Variants in MTHFD1L observed in about 807,000 individuals in gnomAD.
The protein encoded by MTHFD1L is methylenetetrahydrofolate dehydrogenase (NADP+ dependent) 1 like, also known as monofunctional C1-tetrahydrofolate synthase, mitochondrial.
Under a neutral mutation model 119.5 loss-of-function variants are expected in MTHFD1L, and 81 were observed. That is an observed-to-expected ratio of 0.68 (90% CI 0.57 to 0.82). The LOEUF (loss-of-function observed/expected upper bound fraction) is 0.82, where lower values mean the gene tolerates loss of function less well. Ranked by LOEUF, MTHFD1L falls within the 40% of genes least tolerant of loss-of-function variation. The pLI, the probability that MTHFD1L is intolerant of heterozygous loss-of-function variation, is 0.00. For synonymous variants in MTHFD1L, 430 were observed against 475.2 expected (o/e 0.90, Z 1.24); for missense variants, 1,125 against 1,253.4 (o/e 0.90, Z 1.55).
chr6:151,081,990 T>C (rs1292752654), intron 26 of MTHFD1L, among the ~76,000 whole-genome samples: 2 of 152,184 alleles, frequency 1.3e-5, no homozygotes, highest in African/African-American at 4.8e-5. Context: ...TCCTTGCCAG[T>C]AGGACCTTGA....
intron 27 of MTHFD1L, among the ~76,000 whole-genome samples, chr6:151,094,944 TG>T (rs1794774450): frequency 6.6e-6 from 1 of 152,230 alleles, no homozygotes. Flanking sequence ...CAAGTTTTTT[TG>T]TTGAGGCTTT....
intron 1 of MTHFD1L, chr6:150,866,271 G>A (rs1218603748): frequency 8.2e-6 from 12 of 1,454,844 alleles, no homozygotes; most frequent in Non-Finnish European, 1.1e-5. Flanking sequence ...CGGGCCCGCA[G>A]CGCAGGTGGG....
chr6:150,944,026 G>T (rs1257984262), intron 13 of MTHFD1L, among the ~76,000 whole-genome samples: 1 of 152,156 alleles, frequency 6.6e-6, no homozygotes. Context: ...CTTAACCTGA[G>T]GATGGAAGAA....
intron 16 of MTHFD1L, among the ~76,000 whole-genome samples, chr6:150,955,639 A>G (rs527552854): frequency 6.6e-6 from 1 of 151,830 alleles, no homozygotes; most frequent in African/African-American, 2.4e-5. Context: ...AGCTGGGACT[A>G]CAGGCACACA....
At chr6:150,923,658 C>T (rs1233012481) in intron 10 of MTHFD1L, among the ~76,000 whole-genome samples, 4 of 150,258 alleles carry the variant, frequency 2.7e-5, no homozygotes, top group South Asian at 2.1e-4. Flanking sequence ...CATGAGCCAC[C>T]GCACCGGGGC....
chr6:151,099,763 C>T (rs1004562040), intron 27 of MTHFD1L: 21 of 1,608,924 alleles, frequency 1.3e-5, no homozygotes, highest in Non-Finnish European at 1.8e-5. Flanking sequence ...GTTCCTGGTC[C>T]ACAACGTCAA....
intron 26 of MTHFD1L, among the ~76,000 whole-genome samples, chr6:151,040,198 G>T (rs978115669): frequency 6.6e-6 from 1 of 152,156 alleles, no homozygotes; most frequent in Non-Finnish European, 1.5e-5. Flanking sequence ...TCTAAACCCC[G>T]CAGTAGTTCA....
intron 1 of MTHFD1L, chr6:150,866,288 C>T (rs1015448724): frequency 6.9e-5 from 101 of 1,471,234 alleles, no homozygotes; most frequent in Non-Finnish European, 8.5e-5. Flanking sequence ...TGGGCGTGGG[C>T]ATCTCCAATG....
chr6:151,000,025 A>G (rs1393811720), intron 20 of MTHFD1L, among the ~76,000 whole-genome samples: 1 of 152,210 alleles, frequency 6.6e-6, no homozygotes, highest in Non-Finnish European at 1.5e-5. Flanking sequence ...GGAAAGGAAG[A>G]AGGGCATGTG....
rs1168211625 is a variant in MTHFD1L, at chr6:150,960,314, G to A, written c.1843G>A (p.Val615Met). The A allele has an allele frequency of 1.9e-6, 3 of 1,613,904 alleles. No homozygotes were observed. Among genetic ancestry groups the A allele is most frequent in the Non-Finnish European group, 2.5e-6 (3 of 1,179,962 alleles). The change falls in exon 18 of 28, where the codon GTG becomes ATG. Residue 615 changes from valine to methionine, a missense_variant. Around this residue, in one of 3 missense-constraint regions of MTHFD1L, gnomAD observed 1,058 missense variants for 1,151.2 expected, o/e 0.92. Coordinates refer to ENST00000367321, the MANE Select transcript of MTHFD1L (RefSeq NM_015440.5). ...DIAVASEIMA[V>M]LALTDSLADM... is the part of the protein sequence containing the mutation. ...CGCAGTGGCCAGCGAGATCATGGCG[G>A]TGCTGGCCCTGACGGACAGCCTCGC...
intron 1 of MTHFD1L, among the ~76,000 whole-genome samples, chr6:150,866,876 G>C (rs1480674126): frequency 6.6e-6 from 1 of 152,144 alleles, no homozygotes; most frequent in African/African-American, 2.4e-5. Flanking sequence ...CTTGCAGGGC[G>C]AGCCCTTCGG....
chr6:151,031,513 C>T (rs1465203728), intron 24 of MTHFD1L, among the ~76,000 whole-genome samples: 1 of 152,222 alleles, frequency 6.6e-6, no homozygotes, highest in Non-Finnish European at 1.5e-5. Flanking sequence ...TCCATGAAGG[C>T]TTCGTGGAGG....
At chr6:151,022,754 G>A (rs1784119604) in intron 24 of MTHFD1L, among the ~76,000 whole-genome samples, 1 of 152,106 alleles carries the variant, frequency 6.6e-6, no homozygotes, top group Non-Finnish European at 1.5e-5. Context: ...TTCTCCTGTT[G>A]TGCATTAGAA....
intron 26 of MTHFD1L, among the ~76,000 whole-genome samples, chr6:151,063,375 C>G (rs1790867317): frequency 6.6e-6 from 1 of 152,218 alleles, no homozygotes; most frequent in Non-Finnish European, 1.5e-5. Flanking sequence ...ACTTTTCCCT[C>G]TTGAATCTTT....
chr6:151,014,169 T>A (rs1432600965), intron 22 of MTHFD1L, among the ~76,000 whole-genome samples: 1 of 152,152 alleles, frequency 6.6e-6, no homozygotes, highest in Non-Finnish European at 1.5e-5. Flanking sequence ...ATCGCACCAC[T>A]GTACTCCAGC....
chr6:151,000,328 T>A (rs1780432300), intron 20 of MTHFD1L, among the ~76,000 whole-genome samples: 1 of 146,036 alleles, frequency 6.8e-6, no homozygotes, highest in African/African-American at 2.6e-5. Context: ...AGGGAGAGAC[T>A]CTGTCTCAAA....
At chr6:151,045,194 C>T (rs1434931299) in intron 26 of MTHFD1L, among the ~76,000 whole-genome samples, 1 of 152,024 alleles carries the variant, frequency 6.6e-6, no homozygotes. Flanking sequence ...AATGCATGAC[C>T]CTTCACATTT....
intron 16 of MTHFD1L, 30 bp from the exon 17 acceptor site, chr6:150,955,965 C>A: frequency 6.3e-7 from 1 of 1,581,792 alleles, no homozygotes; most frequent in Non-Finnish European, 8.7e-7. Context: ...CCATATTTGT[C>A]GACTGAATGA....
At chr6:151,070,480 T>C (rs570940907) in intron 26 of MTHFD1L, among the ~76,000 whole-genome samples, 1 of 152,368 alleles carries the variant, frequency 6.6e-6, no homozygotes, top group South Asian at 2.1e-4. Context: ...CACATTCTTC[T>C]CAAGTTCTTC....
Sources: gnomAD v4.1 joint callset for allele counts (sites outside exome capture counted in the v4.1 genomes callset) on GRCh38, gnomAD v4.1.1 for gene constraint, gnomAD v4.1.1 regional missense constraint, MANE v1.5 for transcripts, NCBI Gene and HGNC (gene_info 2026-07-23, HGNC 2026-07-21) for gene names.